The following TRPM3 variants were observed in gnomAD, a reference collection of about 807,000 sequenced individuals.
TRPM3 encodes the protein transient receptor potential cation channel subfamily M member 3.
Under a neutral mutation model 181.2 loss-of-function variants are expected in TRPM3, and 77 were observed. The ratio of observed to expected loss-of-function variants is 0.42; its 90% CI spans 0.35 to 0.51. The LOEUF is 0.51. Among genes scored for constraint, TRPM3 ranks in the 20% least tolerant of loss-of-function variants. The pLI is 0.01. For missense variants in TRPM3, 1,759 were observed against 2,196.7 expected, an observed-to-expected ratio of 0.80 and a Z score of 3.98; for synonymous variants, 745 against 796.4, an observed-to-expected ratio of 0.94 and a Z score of 1.09.
chr9:71,394,154 G>A (rs1242274039), intron 1 of TRPM3, among the ~76,000 whole-genome samples: 1 of 152,090 alleles, frequency 6.6e-6, no homozygotes, highest in African/African-American at 2.4e-5. Flanking sequence ...AACATGAGAA[G>A]TTTTACAGAA....
rs569877550 is a variant in TRPM3 at position 70,668,581 on chromosome 9, T to C, written c.1345+12925A>G. The stretch of plus-strand genomic sequence containing the variant: ...GCGGGAGGCTGAGGCAGGAGAATGG[T>C]GTGAACCCGGGAGGCGGAGCTTCCA... On this transcript the variant is annotated intron_variant, in intron 9 of 25. Coordinates refer to ENST00000677713, the MANE Select transcript of TRPM3 (RefSeq NM_001366145.2). 1.5e-3 allele frequency among the ~76,000 whole-genome samples: 209 copies of C among 143,424 alleles called. 2 individuals are homozygous for C. The highest frequency in any genetic ancestry group is 2.4e-3 in the Non-Finnish European group (164 of 66,970). 94.1% of individuals were successfully genotyped at this position (143,424 alleles called of 152,430 possible).
chr9:70,916,222 G>A (rs1008311540), intron 1 of TRPM3, among the ~76,000 whole-genome samples: 2 of 152,128 alleles, frequency 1.3e-5, no homozygotes, highest in Admixed American at 1.3e-4. Flanking sequence ...ATCAACACCA[G>A]ACCTGTTCCA....
intron 1 of TRPM3, among the ~76,000 whole-genome samples, chr9:71,353,706 T>G: frequency 6.6e-6 from 1 of 152,168 alleles, no homozygotes; most frequent in East Asian, 1.9e-4. Flanking sequence ...CTGTACCCAG[T>G]TCAGACCCCA....
intron 1 of TRPM3, among the ~76,000 whole-genome samples, chr9:71,165,166 C>T (rs1037848589): frequency 6.6e-6 from 1 of 152,094 alleles, no homozygotes; most frequent in Non-Finnish European, 1.5e-5. Context: ...CTGTGTAAAC[C>T]CGTGGGCAAG....
chr9:71,384,885 A>G (rs951157519), intron 1 of TRPM3, among the ~76,000 whole-genome samples: 1 of 152,218 alleles, frequency 6.6e-6, no homozygotes, highest in African/African-American at 2.4e-5. Context: ...AAACAGCCAT[A>G]AAAGGCATTC....
intron 17 of TRPM3, among the ~76,000 whole-genome samples, chr9:70,618,176 A>G (rs754117483): frequency 8.5e-5 from 13 of 152,188 alleles, no homozygotes; most frequent in Admixed American, 4.6e-4. Context: ...ACACCATCCT[A>G]TTTCCCTTAA....
intron 1 of TRPM3, among the ~76,000 whole-genome samples, chr9:71,399,084 T>C (rs1304969346): frequency 6.7e-6 from 1 of 150,200 alleles, no homozygotes; most frequent in African/African-American, 2.5e-5. Context: ...ATCAATAAAA[T>C]GTATTCTGAA....
Position 70,784,294 on chromosome 9 carries a change from G to A in TRPM3, c.974-15C>T. On this transcript the variant is annotated splice_polypyrimidine_tract_variant and intron_variant, in intron 6 of 25. Coordinates refer to ENST00000677713, the MANE Select transcript of TRPM3 (RefSeq NM_001366145.2). ...TTGACCGATTCCTGCATTAAAAAAGGAAAAGAAAAGGAAAAAAAGAGAAAA... is the reference window on the plus strand; with the variant it reads ...TTGACCGATTCCTGCATTAAAAAAGAAAAAGAAAAGGAAAAAAAGAGAAAA... The A allele has an allele frequency of 3.9e-6, 6 of 1,557,182 alleles. No homozygotes were observed. The highest frequency in any genetic ancestry group is 1.2e-5 in the South Asian group (1 of 83,448).
intron 1 of TRPM3, among the ~76,000 whole-genome samples, chr9:70,879,447 C>T (rs867445035): frequency 6.6e-6 from 1 of 152,006 alleles, no homozygotes; most frequent in East Asian, 1.9e-4. Context: ...TCTGTTTCTC[C>T]TAAATCTTTA....
chr9:70,999,046 C>A (rs986151577), intron 1 of TRPM3, among the ~76,000 whole-genome samples: 1 of 152,120 alleles, frequency 6.6e-6, no homozygotes, highest in Non-Finnish European at 1.5e-5. Context: ...TCTTTAAGCT[C>A]CTTGGTTCCT....
chr9:71,406,450 T>A (rs2093437311), intron 1 of TRPM3, among the ~76,000 whole-genome samples: 1 of 152,158 alleles, frequency 6.6e-6, no homozygotes, highest in African/African-American at 2.4e-5. Context: ...GTGTTGCCAA[T>A]CTCAGTATTT....
chr9:71,016,192 G>T, intron 1 of TRPM3, among the ~76,000 whole-genome samples: 1 of 150,950 alleles, frequency 6.6e-6, no homozygotes, highest in South Asian at 2.1e-4. Flanking sequence ...ATGTACTACA[G>T]ATCTCATTGA....
At chr9:71,272,565 A>G (rs562990265) in intron 1 of TRPM3, among the ~76,000 whole-genome samples, 1 of 152,182 alleles carries the variant, frequency 6.6e-6, no homozygotes, top group Non-Finnish European at 1.5e-5. Flanking sequence ...AGAGGTTTCT[A>G]ATCTGTAATA....
intron 1 of TRPM3, among the ~76,000 whole-genome samples, chr9:71,006,138 G>A (rs1328787190): frequency 1.3e-5 from 2 of 152,088 alleles, no homozygotes; most frequent in Non-Finnish European, 2.9e-5. Flanking sequence ...ATAATCATAA[G>A]ATGTTTATAG....
At chr9:71,109,942 G>A (rs1216837907) in intron 1 of TRPM3, among the ~76,000 whole-genome samples, 1 of 152,104 alleles carries the variant, frequency 6.6e-6, no homozygotes, top group Non-Finnish European at 1.5e-5. Flanking sequence ...CCTTTCAAAT[G>A]TTAAGCTTTT....
intron 1 of TRPM3, among the ~76,000 whole-genome samples, chr9:71,128,524 C>A (rs1053027355): frequency 2.6e-5 from 4 of 152,156 alleles, no homozygotes; most frequent in Non-Finnish European, 1.5e-5. Context: ...ATTCACTCTT[C>A]TAATATTTGC....
At position 70,536,482 on chromosome 9, in the gene TRPM3, T is replaced by A. The variant is rs752645275; in HGVS notation, c.4631A>T (p.Tyr1544Phe). Residue 1544 changes from tyrosine to phenylalanine, a missense_variant, in exon 26 of 26, where the codon TAT (tyrosine) becomes TTT (phenylalanine). Around this residue, in one of 8 missense-constraint regions of TRPM3, gnomAD observed 612 missense variants for 590.0 expected, o/e 1.04. Coordinates refer to ENST00000677713, the MANE Select transcript of TRPM3 (RefSeq NM_001366145.2). ...SFMFSPSRSY[Y>F]ANFGVPVKTA... is the part of the protein sequence containing the mutation. ...TTTTACAGGCACCCCAAAGTTGGCATAATAGCTCCTTGAGGGGGAAAACAT... is the reference window on the plus strand; with the variant it reads ...TTTTACAGGCACCCCAAAGTTGGCAAAATAGCTCCTTGAGGGGGAAAACAT... 7.4e-6 allele frequency: 12 copies of A among 1,614,134 alleles called. No individual in the cohort carries two copies. In the South Asian group the frequency reaches 1.3e-4, roughly 18 times the overall value.
At chr9:71,311,854 T>C (rs1421929378) in intron 1 of TRPM3, among the ~76,000 whole-genome samples, 2 of 151,868 alleles carry the variant, frequency 1.3e-5, no homozygotes, top group African/African-American at 4.8e-5. Flanking sequence ...GAAAATCTTA[T>C]CATGTTTTAA....
At chr9:71,341,732 T>C (rs111302768) in intron 1 of TRPM3, among the ~76,000 whole-genome samples, 21 of 151,892 alleles carry the variant, frequency 1.4e-4, no homozygotes, top group African/African-American at 3.9e-4. Context: ...ATTCAGTTAA[T>C]AGTACATACC....
Sources: allele counts gnomAD v4.1 joint callset (sites outside exome capture counted in the v4.1 genomes callset), GRCh38; gene constraint gnomAD v4.1.1; regional missense constraint gnomAD v4.1.1; transcripts MANE v1.5; gene names NCBI Gene and HGNC (gene_info 2026-07-23, HGNC 2026-07-21).